The following GBF1 variants were observed in gnomAD, a reference collection of about 807,000 sequenced individuals.
The protein encoded by GBF1 is Golgi-specific brefeldin A-resistance guanine nucleotide exchange factor 1.
A neutral mutation model predicts 210.5 loss-of-function variants in GBF1; 114 were observed. The observed-to-expected ratio is 0.54, with a 90% CI of 0.47 to 0.63. The LOEUF (loss-of-function observed/expected upper bound fraction) is 0.63. Among genes scored for constraint, GBF1 ranks in the 30% least tolerant of loss-of-function variants. GBF1 has a pLI of 0.00. For missense variants in GBF1, 1,851 were observed against 2,357.7 expected (o/e 0.79, Z 4.45); for synonymous variants, 850 against 889.2 (o/e 0.96, Z 0.78).
Position 102,369,909 on chromosome 10 carries a change from T to C in GBF1, c.3264T>C (p.Gly1088=). ...TTGTGAGCTGGCTAACACTGAGTGGTCCTGAGCAGTCTAGTGTTCGGGGCC... is the reference window on the plus strand; with the variant it reads ...TTGTGAGCTGGCTAACACTGAGTGGCCCTGAGCAGTCTAGTGTTCGGGGCC... ...LSFVSWLTLS[G]PEQSSVRGPS... is the part of the protein sequence containing the mutation. The change falls in exon 26 of 40, where the codon GGT becomes GGC. Residue 1088 remains glycine, a synonymous_variant. Coordinates refer to ENST00000369983, the MANE Select transcript of GBF1 (RefSeq NM_001377137.1). 6.2e-7 allele frequency: 1 copy of C among 1,613,974 alleles called. No homozygotes were observed. The highest frequency in any genetic ancestry group is 8.5e-7 in the Non-Finnish European group (1 of 1,179,876).
rs2060026673 is a variant in GBF1 at position 102,368,470 on chromosome 10, C to T, written c.2879+16C>T. 4 of 1,420,296 alleles carry T rather than the reference C, an allele frequency of 2.8e-6. No individual in the cohort carries two copies. Among genetic ancestry groups the T allele is most frequent in the Non-Finnish European group, 4.0e-6 (4 of 1,003,922 alleles). 88.0% of individuals were successfully genotyped at this position (1,420,296 alleles called of 1,614,324 possible). A position where few individuals can be genotyped will look rare whatever the true frequency, so the allele number is the denominator to read the frequency against. ...CAGGCTTCAGGTAGCCCAGCTTTGG[C>T]CTTGGTCTTCACCTCCCACTAGCTC... On this transcript the variant is annotated intron_variant, in intron 22 of 39. Transcript: ENST00000369983.
chr10:102,364,997 C>T (rs1283683006), intron 17 of GBF1, among the ~76,000 whole-genome samples: 2 of 152,106 alleles, frequency 1.3e-5, no homozygotes, highest in African/African-American at 2.4e-5. Flanking sequence ...TCTTTCAAAC[C>T]CAGGGCATTA....
intron 5 of GBF1, 46 bp from the exon 6 acceptor site, chr10:102,351,797 T>A: frequency 9.0e-7 from 1 of 1,112,810 alleles, no homozygotes; most frequent in Non-Finnish European, 1.4e-6. Context: ...CTTGAGTACC[T>A]CTCAGTACCT....
chr10:102,232,108 G>A, the GBF1 span: 2 of 1,417,954 alleles, frequency 1.4e-6, 1 homozygote, highest in Non-Finnish European at 2.0e-6. Context: ...GGCGAGAGAA[G>A]ACACAGACCA....
At chr10:102,331,851 A>ATTTTTTTT (rs869198412) in intron 3 of GBF1, among the ~76,000 whole-genome samples, 2 of 85,342 alleles carry the variant, frequency 2.3e-5, no homozygotes, top group African/African-American at 4.9e-5. Context: ...TACCTGGCTA[A>ATTTTTTTT]TTTTTTTTTT....
chr10:102,243,200 T>G (rs1195896602), upstream of GBF1, among the ~76,000 whole-genome samples: 1 of 152,154 alleles, frequency 6.6e-6, no homozygotes, highest in Non-Finnish European at 1.5e-5. Context: ...CAAGTCTTAT[T>G]TTCTCTGGGA....
At chr10:102,268,425 G>A (rs1257660573) in intron 3 of GBF1, among the ~76,000 whole-genome samples, 1 of 152,210 alleles carries the variant, frequency 6.6e-6, no homozygotes, top group Non-Finnish European at 1.5e-5. Context: ...CAAAGGTTAG[G>A]GGGCAGTGTA....
At chr10:102,344,923 T>C (rs969813264) in intron 4 of GBF1, among the ~76,000 whole-genome samples, 5 of 152,224 alleles carry the variant, frequency 3.3e-5, no homozygotes, top group African/African-American at 4.8e-5. Flanking sequence ...AGGCAAATAG[T>C]GTGAACAGCC....
intron 3 of GBF1, among the ~76,000 whole-genome samples, chr10:102,285,618 T>C (rs2075869169): frequency 6.6e-6 from 1 of 152,192 alleles, no homozygotes; most frequent in African/African-American, 2.4e-5. Context: ...ACTTCTTGCA[T>C]CTATATATTT....
chr10:102,240,827 C>A (rs951544445), upstream of GBF1, among the ~76,000 whole-genome samples: 3 of 152,258 alleles, frequency 2.0e-5, no homozygotes, highest in African/African-American at 7.2e-5. Context: ...CCTATTCCAA[C>A]TGCGGAGCAG....
intron 3 of GBF1, among the ~76,000 whole-genome samples, chr10:102,303,429 A>G (rs2077567415): frequency 6.6e-6 from 1 of 152,206 alleles, no homozygotes; most frequent in Admixed American, 6.5e-5. Context: ...TTGACCATAA[A>G]TGGCCCTGGT....
intron 3 of GBF1, among the ~76,000 whole-genome samples, chr10:102,323,399 G>C (rs1181722185): frequency 1.3e-5 from 2 of 152,110 alleles, no homozygotes; most frequent in East Asian, 3.8e-4. Context: ...CTCTTGATTG[G>C]AGGAGGAACA....
chr10:102,377,166 C>G, intron 33 of GBF1, 26 bp downstream of exon 33: 1 of 1,573,726 alleles, frequency 6.4e-7, no homozygotes, highest in South Asian at 1.1e-5. Flanking sequence ...TTTACTTCCT[C>G]TCCTCCCCTG....
intron 3 of GBF1, among the ~76,000 whole-genome samples, chr10:102,329,504 C>G (rs918845823): frequency 6.6e-6 from 1 of 152,130 alleles, no homozygotes; most frequent in Non-Finnish European, 1.5e-5. Flanking sequence ...TGCTCTGTCT[C>G]CCAGGCTGGA....
intron 3 of GBF1, among the ~76,000 whole-genome samples, chr10:102,274,098 A>G (rs1391054561): frequency 2.6e-5 from 4 of 152,194 alleles, no homozygotes; most frequent in African/African-American, 9.7e-5. Context: ...ACTAGGTTCT[A>G]GGGACCTAGT....
intron 1 of GBF1, among the ~76,000 whole-genome samples, chr10:102,247,346 A>C (rs996826901): frequency 2.6e-5 from 4 of 152,182 alleles, no homozygotes; most frequent in Non-Finnish European, 5.9e-5. Context: ...ATTTAGATGG[A>C]AATGGTACAG....
Position 102,358,792 on chromosome 10 carries a change from T to C in GBF1, c.1011+63T>C, listed in dbSNP as rs994748766. ...CACTGTGGGAAATGGCTTGATCCTT[T>C]GGATCCTTTATGCAGGACTTGGCTC... On this transcript the variant is annotated intron_variant, in intron 10 of 39. Transcript: ENST00000369983. 5 of 1,084,582 alleles carry C rather than the reference T, an allele frequency of 4.6e-6. No homozygotes were observed. In the African/African-American group the frequency reaches 7.8e-5, roughly 17 times the overall value. The allele number at this position is 1,084,582 out of a possible 1,614,324, so 67.2% of individuals were successfully genotyped here.
chr10:102,370,780 T>G lies in GBF1; in HGVS notation c.3580T>G (p.Cys1194Gly). The change falls in exon 29 of 40, where the codon TGC (cysteine) becomes GGC (glycine). Residue 1194 changes from cysteine (C) to glycine (G), a missense_variant. Transcript: ENST00000369983. ...CCTCTGTGTTCAGGCACAAGATTTCTGCTTCCTTGTGGAGCGGGCAGTGGT... is the reference window on the plus strand; with the variant it reads ...CCTCTGTGTTCAGGCACAAGATTTCGGCTTCCTTGTGGAGCGGGCAGTGGT... Reference protein sequence around the residue: ...YHLCVQAQDFCFLVERAVVGL... With the variant: ...YHLCVQAQDFGFLVERAVVGL... 3.1e-6 allele frequency: 5 copies of G among 1,614,096 alleles called. No individual in the cohort carries two copies. Among genetic ancestry groups the G allele is most frequent in the Non-Finnish European group, 4.2e-6 (5 of 1,179,914 alleles).
chr10:102,350,432 C>T (rs2058876809), intron 4 of GBF1, among the ~76,000 whole-genome samples: 1 of 152,058 alleles, frequency 6.6e-6, no homozygotes, highest in South Asian at 2.1e-4. Flanking sequence ...TCATTTCCTC[C>T]TCCTGCTCCC....
Sources: allele counts gnomAD v4.1 joint callset (sites outside exome capture counted in the v4.1 genomes callset), GRCh38; gene constraint gnomAD v4.1.1; transcripts MANE v1.5; gene names NCBI Gene and HGNC (gene_info 2026-07-23, HGNC 2026-07-21).